KIF2A: variants seen among roughly 807,000 people sequenced by gnomAD.
KIF2A encodes the protein kinesin family member 2A, also known as kinesin-like protein KIF2A.
KIF2A carries 22 observed loss-of-function variants against 100.2 expected under a neutral mutation model. The observed-to-expected ratio is 0.22, with a 90% CI of 0.16 to 0.31. KIF2A has a LOEUF of 0.31. Among genes scored for constraint, KIF2A ranks in the 10% least tolerant of loss-of-function variants. The pLI is 1.00. For synonymous variants in KIF2A, 268 were observed against 285.9 expected (o/e 0.94, Z 0.63); for missense variants, 495 against 898.7 (o/e 0.55, Z 5.74).
At chr5:62,329,062 T>G (rs568426751) in intron 1 of KIF2A, among the ~76,000 whole-genome samples, 1 of 152,324 alleles carries the variant, frequency 6.6e-6, no homozygotes, top group South Asian at 2.1e-4. Context: ...TGAATAAAAT[T>G]TGTCCCGTTT....
chr5:62,372,730 T>C (rs545573649), intron 17 of KIF2A, among the ~76,000 whole-genome samples, 179 bp downstream of exon 17: 1 of 152,338 alleles, frequency 6.6e-6, no homozygotes, highest in Non-Finnish European at 1.5e-5. Context: ...TTAATTTGTT[T>C]GCTTTAAAAT....
intron 1 of KIF2A, among the ~76,000 whole-genome samples, chr5:62,341,913 C>CT (rs1196685587): frequency 1.3e-5 from 2 of 152,062 alleles, no homozygotes; most frequent in African/African-American, 2.4e-5. Flanking sequence ...TAACTCATTT[C>CT]TTTTTTCTTT....
chr5:62,312,742 C>T (rs934738698), intron 1 of KIF2A, among the ~76,000 whole-genome samples: 1 of 152,074 alleles, frequency 6.6e-6, no homozygotes, highest in African/African-American at 2.4e-5. Context: ...AAACTATCTC[C>T]CAAGAGTAAT....
intron 1 of KIF2A, among the ~76,000 whole-genome samples, chr5:62,345,208 T>G (rs1273146656): frequency 6.6e-6 from 1 of 151,862 alleles, no homozygotes; most frequent in Non-Finnish European, 1.5e-5. Context: ...GCCAACATGG[T>G]GAAACCCCGT....
At chr5:62,370,476 T>C (rs181284553) in intron 16 of KIF2A, among the ~76,000 whole-genome samples, 1 of 151,986 alleles carries the variant, frequency 6.6e-6, no homozygotes, top group South Asian at 2.1e-4. Flanking sequence ...TTGTATTTTT[T>C]AGTAGAGATG....
At chr5:62,309,096 G>A (rs1244814531) in intron 1 of KIF2A, among the ~76,000 whole-genome samples, 5 of 152,098 alleles carry the variant, frequency 3.3e-5, no homozygotes, top group East Asian at 1.9e-4. Flanking sequence ...CTTTGAAATC[G>A]TATCAGAAAA....
intron 1 of KIF2A, among the ~76,000 whole-genome samples, chr5:62,319,917 G>A (rs1156417483): frequency 2.6e-5 from 4 of 151,914 alleles, no homozygotes; most frequent in African/African-American, 7.3e-5. Context: ...ATATCTATTA[G>A]TCTCCATCCT....
intron 1 of KIF2A, among the ~76,000 whole-genome samples, chr5:62,342,589 T>C (rs1369651228): frequency 6.6e-6 from 1 of 152,094 alleles, no homozygotes; most frequent in Non-Finnish European, 1.5e-5. Flanking sequence ...ACTCCTCTAA[T>C]GGGCAGTCTT....
intron 1 of KIF2A, among the ~76,000 whole-genome samples, chr5:62,333,706 C>T (rs1401147520): frequency 6.6e-6 from 1 of 152,188 alleles, no homozygotes; most frequent in Non-Finnish European, 1.5e-5. Flanking sequence ...TACTTATCTC[C>T]TCCCCAAGTG....
intron 15 of KIF2A, among the ~76,000 whole-genome samples, chr5:62,365,925 C>A (rs1399977266): frequency 2.0e-5 from 3 of 152,036 alleles, no homozygotes; most frequent in Admixed American, 6.6e-5. Flanking sequence ...AAGTTTGTCC[C>A]AGAAGGGAGA....
Position 62,373,766 on chromosome 5 carries a change from G to C in KIF2A, c.1840G>C (p.Asp614His). Residue 614 changes from aspartate (D) to histidine (H), a missense_variant, in exon 18 of 21, where the codon GAC becomes CAC. Physicochemically the swap from Asp to His is moderately conservative, Grantham distance 81. Transcript: ENST00000407818. ...IMHHPPNQID[D>H]LETQWGVGSS... is the part of the protein sequence containing the mutation. ...GCACCATCCACCAAACCAGATTGAT[G>C]ACTTAGAGACACAGTGGGGTGTGGG... 1 of 1,613,330 alleles carries C rather than the reference G, an allele frequency of 6.2e-7. No individual in the cohort carries two copies. Among genetic ancestry groups the C allele is most frequent in the Non-Finnish European group, 8.5e-7 (1 of 1,179,280 alleles).
At chr5:62,334,975 A>T (rs1746863266) in intron 1 of KIF2A, among the ~76,000 whole-genome samples, 1 of 152,184 alleles carries the variant, frequency 6.6e-6, no homozygotes, top group African/African-American at 2.4e-5. Flanking sequence ...GCAGTTCAGC[A>T]TGGAGAGCCC....
At chr5:62,373,909 A>AT (rs1741428467) in intron 18 of KIF2A, 72 bp downstream of exon 18, 1 of 1,211,662 alleles carries the variant, frequency 8.3e-7, no homozygotes, top group African/African-American at 1.5e-5. Flanking sequence ...ACTGAAAACT[A>AT]TCATTTAAAT....
In KIF2A at chr5:62,389,032, G is replaced by A. The variant is rs574068223; in HGVS notation, c.*3463G>A. The A allele has an allele frequency of 3.9e-5, 63 of 1,609,666 alleles. 1 individual carries two copies. In the South Asian group the frequency reaches 6.6e-4, roughly 17 times the overall value. On this transcript the variant is annotated 3_prime_UTR_variant, in exon 21 of 21. Transcript: ENST00000407818. ...TACCTAGGAAAAATGAATACCTTCTGCGTTGAATCCATGTAGCAATCTGAA... is the reference window on the plus strand; with the variant it reads ...TACCTAGGAAAAATGAATACCTTCTACGTTGAATCCATGTAGCAATCTGAA...
chr5:62,347,308 A>G (rs759478587), intron 2 of KIF2A, 84 bp downstream of exon 2: 63 of 744,896 alleles, frequency 8.5e-5, no homozygotes, highest in Non-Finnish European at 1.2e-4. Context: ...ACATAATGTT[A>G]TTTTATTTAG....
In KIF2A at chr5:62,381,344, C is replaced by T. The variant is rs529381503; in HGVS notation, c.2149+91C>T. On this transcript the variant is annotated intron_variant, in intron 20 of 20. Coordinates refer to ENST00000407818, the MANE Select transcript of KIF2A (RefSeq NM_001098511.3). ...CTTCTTCGTATTGCAAGAGGACATA[C>T]GAAGTGAAAATTAGGGGCACTGTTT... is the stretch of plus-strand genomic sequence containing the variant. The T allele has an allele frequency of 1.8e-5, 19 of 1,047,872 alleles. No individual in the cohort carries two copies. The Admixed American group carries it at 1.9e-4, about 11-fold the overall frequency. 64.9% of individuals were successfully genotyped at this position (1,047,872 alleles called of 1,614,324 possible). A position where few individuals can be genotyped will look rare whatever the true frequency, so the allele number is the denominator to read the frequency against.
chr5:62,355,481 G>A (rs1748054207), intron 7 of KIF2A, among the ~76,000 whole-genome samples: 1 of 152,128 alleles, frequency 6.6e-6, no homozygotes, highest in Non-Finnish European at 1.5e-5. Flanking sequence ...CCTTCTCGAA[G>A]CAAAACCTCC....
intron 1 of KIF2A, among the ~76,000 whole-genome samples, chr5:62,310,817 C>G (rs921946093): frequency 3.3e-5 from 5 of 152,136 alleles, no homozygotes; most frequent in African/African-American, 1.2e-4. Flanking sequence ...TTAAAACCCA[C>G]TGACTCTTAA....
At chr5:62,336,686 A>G (rs1019858673) in intron 1 of KIF2A, among the ~76,000 whole-genome samples, 6 of 152,268 alleles carry the variant, frequency 3.9e-5, no homozygotes, top group African/African-American at 1.4e-4. Flanking sequence ...TAAAGAAAAT[A>G]GAATAAGGAT....
Sources: gnomAD v4.1 joint callset for allele counts (sites outside exome capture counted in the v4.1 genomes callset) on GRCh38, gnomAD v4.1.1 for gene constraint, MANE v1.5 for transcripts, NCBI Gene and HGNC (gene_info 2026-07-23, HGNC 2026-07-21) for gene names.